PRR5L: variants seen among roughly 807,000 people sequenced by gnomAD.
The protein encoded by PRR5L is proline rich 5 like.
In PRR5L, 21 loss-of-function variants were observed where a neutral mutation model predicts 36.4. That is an observed-to-expected ratio of 0.58 (90% CI 0.41 to 0.83). PRR5L has a LOEUF of 0.83. Among genes scored for constraint, PRR5L ranks in the 40% least tolerant of loss-of-function variants. The probability of loss-of-function intolerance (pLI) is 0.00; values close to 1 mark genes in which losing one functional copy is unlikely to be tolerated. For synonymous variants in PRR5L, 188 were observed against 197.0 expected, an observed-to-expected ratio of 0.95 and a Z score of 0.38; for missense variants, 381 against 473.3, an observed-to-expected ratio of 0.80 and a Z score of 1.81.
intron 5 of PRR5L, among the ~76,000 whole-genome samples, chr11:36,435,495 A>G (rs1858585773): frequency 6.6e-6 from 1 of 152,178 alleles, no homozygotes; most frequent in Non-Finnish European, 1.5e-5. Flanking sequence ...CTGCAACTAG[A>G]AAGATAAACA....
chr11:36,395,735 T>A (rs775194292), intron 1 of PRR5L, among the ~76,000 whole-genome samples: 6 of 152,072 alleles, frequency 3.9e-5, no homozygotes, highest in Non-Finnish European at 7.3e-5. Flanking sequence ...TTATTTTTTT[T>A]AATAGAAACA....
intron 1 of PRR5L, among the ~76,000 whole-genome samples, chr11:36,301,271 G>A (rs953457502): frequency 1.3e-5 from 2 of 152,252 alleles, no homozygotes; most frequent in Non-Finnish European, 2.9e-5. Context: ...CCCTGGGAGG[G>A]CCACAGAAGG....
At chr11:36,419,926 G>C (rs1858227219) in intron 4 of PRR5L, among the ~76,000 whole-genome samples, 1 of 152,100 alleles carries the variant, frequency 6.6e-6, no homozygotes, top group African/African-American at 2.4e-5. Context: ...GTCCCCCAGG[G>C]GACCCTGAAT....
chr11:36,420,844 C>G (rs1158249548), intron 4 of PRR5L, among the ~76,000 whole-genome samples: 1 of 127,210 alleles, frequency 7.9e-6, no homozygotes, highest in Non-Finnish European at 1.8e-5. Context: ...AACACACACA[C>G]ACACACACAC....
rs1857284613 is a variant in PRR5L at position 36,377,362 on chromosome 11, A to C, written c.-125-23635A>C. ...TGCGGACCCCGCGCTGGGAGTCCGC[A>C]GTATCCCCCTTCCGTTTTATTTCTC... On this transcript the variant is annotated intron_variant, in intron 1 of 8. Transcript: ENST00000530639. The surrounding 1 kb of genome is among the most constrained non-coding windows in gnomAD (Gnocchi z 5.1). Among the ~76,000 whole-genome samples, 1 of 152,200 alleles carries C rather than the reference A, an allele frequency of 6.6e-6. No homozygotes were observed. The highest frequency in any genetic ancestry group is 1.5e-5 in the Non-Finnish European group (1 of 68,028).
At chr11:36,405,243 A>C (rs908777641) in intron 3 of PRR5L, among the ~76,000 whole-genome samples, 1 of 152,202 alleles carries the variant, frequency 6.6e-6, no homozygotes, top group Non-Finnish European at 1.5e-5. Context: ...GCCCTCTGTC[A>C]AAAGAGGATT....
chr11:36,341,984 A>G (rs937795602), intron 1 of PRR5L, among the ~76,000 whole-genome samples: 1 of 152,200 alleles, frequency 6.6e-6, no homozygotes, highest in African/African-American at 2.4e-5. Flanking sequence ...GTTTCAAAGT[A>G]CCTACTGTTT....
chr11:36,459,342 G>A (rs1416144346), intron 8 of PRR5L, among the ~76,000 whole-genome samples: 1 of 152,210 alleles, frequency 6.6e-6, no homozygotes, highest in African/African-American at 2.4e-5. Flanking sequence ...CCCTAGCGCA[G>A]CCCATGTGAA....
At chr11:36,375,574 G>A (rs894763645) in intron 1 of PRR5L, among the ~76,000 whole-genome samples, 2 of 152,166 alleles carry the variant, frequency 1.3e-5, no homozygotes, top group East Asian at 1.9e-4. Context: ...TGTGATGTGC[G>A]ATCGGGCAGC....
chr11:36,353,438 T>C (rs568729767), intron 1 of PRR5L, among the ~76,000 whole-genome samples: 1 of 152,328 alleles, frequency 6.6e-6, no homozygotes, highest in Non-Finnish European at 1.5e-5. Flanking sequence ...GAAAAGTGAT[T>C]TGTTCATTCA....
intron 8 of PRR5L, among the ~76,000 whole-genome samples, chr11:36,460,096 T>C (rs554796799): frequency 5.3e-4 from 80 of 152,300 alleles, no homozygotes; most frequent in Admixed American, 3.2e-3. Context: ...GTGTGGTGGG[T>C]GAGTACAACA....
In PRR5L at chr11:36,389,765, A is replaced by G. The variant is rs1857528556; in HGVS notation, c.-125-11232A>G. Among the ~76,000 whole-genome samples the G allele has an allele frequency of 2.6e-5, 4 of 152,092 alleles. No individual in the cohort carries two copies. In the South Asian group the frequency reaches 8.3e-4, roughly 31 times the overall value. On this transcript the variant is annotated intron_variant, in intron 1 of 8. Transcript: ENST00000530639. ...GTAGCTGGGATTACAGGCGCCCGCCACCATACCTGGCTAGTTTTGTATTTT... is the reference window on the plus strand; with the variant it reads ...GTAGCTGGGATTACAGGCGCCCGCCGCCATACCTGGCTAGTTTTGTATTTT...
At chr11:36,421,581 A>C (rs1439126509) in intron 4 of PRR5L, among the ~76,000 whole-genome samples, 1 of 152,052 alleles carries the variant, frequency 6.6e-6, no homozygotes, top group East Asian at 1.9e-4. Flanking sequence ...GTGGGCACAC[A>C]GCTTTTTTTT....
chr11:36,382,161 C>A (rs1372641599), intron 1 of PRR5L, among the ~76,000 whole-genome samples: 1 of 152,210 alleles, frequency 6.6e-6, no homozygotes, highest in East Asian at 1.9e-4. Flanking sequence ...CCGTCTCAAA[C>A]AAAAGAAAAC....
intron 1 of PRR5L, among the ~76,000 whole-genome samples, chr11:36,328,768 T>C (rs1714941328): frequency 6.6e-6 from 1 of 152,224 alleles, no homozygotes; most frequent in South Asian, 2.1e-4. Flanking sequence ...CAAATTTCTT[T>C]AGGAGGCTCT....
At chr11:36,306,015 T>G (rs1183565093) in intron 1 of PRR5L, among the ~76,000 whole-genome samples, 3 of 152,228 alleles carry the variant, frequency 2.0e-5, no homozygotes. Context: ...TTATGTCACT[T>G]AGCCAGGAAT....
At position 36,431,270 on chromosome 11, in the gene PRR5L, T is replaced by C. The variant is rs530705337; in HGVS notation, c.295-583T>C. 1.6e-4 allele frequency among the ~76,000 whole-genome samples: 24 copies of C among 152,264 alleles called. No individual in the cohort carries two copies. The South Asian group carries it at 5.0e-3, about 32-fold the overall frequency. On this transcript the variant is annotated intron_variant, in intron 4 of 8. Coordinates refer to ENST00000530639, the MANE Select transcript of PRR5L (RefSeq NM_001160167.2). ...CTTGATAGGATTGAATTAAATGAGA[T>C]GAAGGATATAAATCTTATGATGTAG...
chr11:36,320,224 T>C (rs1249672846), intron 1 of PRR5L, among the ~76,000 whole-genome samples: 3 of 148,728 alleles, frequency 2.0e-5, no homozygotes, highest in Non-Finnish European at 4.5e-5. Context: ...AAAAAGAAGG[T>C]GATGAACTGG....
intron 3 of PRR5L, among the ~76,000 whole-genome samples, chr11:36,410,187 C>A (rs1446039027): frequency 6.6e-6 from 1 of 152,120 alleles, no homozygotes; most frequent in Non-Finnish European, 1.5e-5. Flanking sequence ...GATTGGAAAC[C>A]CATGGGGTTG....
Sources: gnomAD v4.1 joint callset for allele counts (sites outside exome capture counted in the v4.1 genomes callset) on GRCh38, gnomAD v4.1.1 for gene constraint, Gnocchi (gnomAD v3.1) non-coding constraint, MANE v1.5 for transcripts, NCBI Gene and HGNC (gene_info 2026-07-23, HGNC 2026-07-21) for gene names.